The following SPMIP8 variants were observed in gnomAD, a reference collection of about 807,000 sequenced individuals.
The protein encoded by SPMIP8 is sperm microtubule inner protein 8, also known as testicular tissue protein Li 196.
the SPMIP8 span, chr16:57,976,705 C>T: frequency 6.3e-7 from 1 of 1,577,276 alleles, no homozygotes; most frequent in Non-Finnish European, 8.6e-7. Context: ...CCTCCCCAGG[C>T]AGTCACATCC....
At chr16:57,977,785 G>T in the SPMIP8 span, 1 of 1,597,658 alleles carries the variant, frequency 6.3e-7, no homozygotes, top group Non-Finnish European at 8.6e-7. Flanking sequence ...TGAGCCCAGG[G>T]TGAGCCCCTT....
At chr16:57,980,790 G>A in the SPMIP8 span, among the ~76,000 whole-genome samples, 1 of 152,126 alleles carries the variant, frequency 6.6e-6, no homozygotes, top group African/African-American at 2.4e-5. Context: ...GACCTCCCAG[G>A]TTCAGGTGAT....
At chr16:57,976,671 A>G in the SPMIP8 span, 1 of 1,607,068 alleles carries the variant, frequency 6.2e-7, no homozygotes, top group Non-Finnish European at 8.5e-7. Context: ...TCTCTTCCCC[A>G]TATCCGTGAT....
chr16:57,985,323 G>A, the SPMIP8 span: 10 of 1,559,530 alleles, frequency 6.4e-6, no homozygotes, highest in African/African-American at 8.2e-5. Context: ...GTCCTGGTGG[G>A]GAGCGGCTTA....
At chr16:57,981,813 G>T in the SPMIP8 span, among the ~76,000 whole-genome samples, 1 of 152,084 alleles carries the variant, frequency 6.6e-6, no homozygotes, top group South Asian at 2.1e-4. Flanking sequence ...CCTTGTGATT[G>T]CTAGTTTAAC....
chr16:57,976,847 C>T, the SPMIP8 span, among the ~76,000 whole-genome samples: 1 of 152,322 alleles, frequency 6.6e-6, no homozygotes, highest in African/African-American at 2.4e-5. Context: ...AGGAAGAAAG[C>T]AAGCTGTCTC....
the SPMIP8 span, chr16:57,987,479 C>A: frequency 1.9e-6 from 3 of 1,555,532 alleles, no homozygotes; most frequent in Non-Finnish European, 2.6e-6. Flanking sequence ...ACCTCAGGTC[C>A]CCTGGCCAGA....
chr16:57,979,409 G>A, the SPMIP8 span, among the ~76,000 whole-genome samples: 1 of 152,210 alleles, frequency 6.6e-6, no homozygotes, highest in Non-Finnish European at 1.5e-5. Context: ...CTATTTAAAC[G>A]GCAGCCACGG....
chr16:57,982,910 A>G, the SPMIP8 span, among the ~76,000 whole-genome samples: 5 of 152,040 alleles, frequency 3.3e-5, no homozygotes, highest in African/African-American at 4.8e-5. Flanking sequence ...CGCACCTGTA[A>G]TCCCAGCTAC....
chr16:57,981,404 T>TATTATAATTATTATTATA, the SPMIP8 span, among the ~76,000 whole-genome samples: 3 of 140,524 alleles, frequency 2.1e-5, no homozygotes, highest in Non-Finnish European at 4.6e-5. Flanking sequence ...TTATTATTAT[T>TATTATAATTATTATTATA]ATAATAATAA....
At chr16:57,987,380 C>T in the SPMIP8 span, 13 of 1,586,210 alleles carry the variant, frequency 8.2e-6, no homozygotes, top group Admixed American at 3.5e-5. Flanking sequence ...CACCTCACCC[C>T]TACTTCTCTC....
chr16:57,977,664 G>A, the SPMIP8 span: 1 of 813,950 alleles, frequency 1.2e-6, no homozygotes, highest in Non-Finnish European at 2.0e-6. Context: ...ACCTCATGCT[G>A]AGCTCCAGAA....
At chr16:57,987,156 T>G in the SPMIP8 span, 1 of 418,770 alleles carries the variant, frequency 2.4e-6, no homozygotes. Context: ...GAAAAATGGG[T>G]GAAGCTGTTC....
At chr16:57,984,195 T>C in the SPMIP8 span, 68 of 1,051,366 alleles carry the variant, frequency 6.5e-5, no homozygotes, top group Admixed American at 1.7e-4. Flanking sequence ...TGAGCCATCG[T>C]GCCCGGCCTC....
At chr16:57,979,634 C>A in the SPMIP8 span, among the ~76,000 whole-genome samples, 4 of 152,130 alleles carry the variant, frequency 2.6e-5, no homozygotes, top group Non-Finnish European at 5.9e-5. Context: ...AGGCTCACTC[C>A]CACTGCCCCC....
At chr16:57,976,687 T>A in the SPMIP8 span, 2 of 1,598,054 alleles carry the variant, frequency 1.3e-6, no homozygotes, top group Admixed American at 1.7e-5. Context: ...GTGATCCCCC[T>A]CCCTGTCCCT....
the SPMIP8 span, chr16:57,985,571 A>AC: frequency 1.9e-6 from 3 of 1,572,066 alleles, no homozygotes; most frequent in East Asian, 2.3e-5. Flanking sequence ...GCGCCCGGGG[A>AC]CCCCATATCT....
the SPMIP8 span, chr16:57,986,034 C>A: frequency 1.7e-5 from 25 of 1,470,186 alleles, no homozygotes; most frequent in African/African-American, 2.9e-5. Flanking sequence ...TGAAACCCCC[C>A]TGCCCCAGCG....
At chr16:57,979,391 C>A in the SPMIP8 span, among the ~76,000 whole-genome samples, 1 of 152,324 alleles carries the variant, frequency 6.6e-6, no homozygotes, top group Non-Finnish European at 1.5e-5. Flanking sequence ...GGGGCACCCA[C>A]ACCTGCCCTA....
Sources: allele counts gnomAD v4.1 joint callset (sites outside exome capture counted in the v4.1 genomes callset), GRCh38; gene constraint gnomAD v4.1.1; transcripts MANE v1.5; gene names NCBI Gene and HGNC (gene_info 2026-07-23, HGNC 2026-07-21).